GNAQ: variants seen among roughly 807,000 people sequenced by gnomAD.
The protein encoded by GNAQ is G protein subunit alpha q.
Under a neutral mutation model 43.9 loss-of-function variants are expected in GNAQ, and 8 were observed. The ratio of observed to expected loss-of-function variants is 0.18; its 90% CI spans 0.11 to 0.33. The LOEUF is 0.33. GNAQ is among the 10% of genes least tolerant of loss of function. The pLI is 1.00. For missense variants in GNAQ, 158 were observed against 450.8 expected, an observed-to-expected ratio of 0.35 and a Z score of 5.88; for synonymous variants, 155 against 170.7, an observed-to-expected ratio of 0.91 and a Z score of 0.71.
At chr9:77,998,626 T>A (rs1028833629) in intron 1 of GNAQ, among the ~76,000 whole-genome samples, 2 of 152,190 alleles carry the variant, frequency 1.3e-5, no homozygotes, top group African/African-American at 4.8e-5. Context: ...TTATTTCCCA[T>A]TGCTTCAATA....
At chr9:77,864,363 T>C (rs1827914459) in intron 2 of GNAQ, among the ~76,000 whole-genome samples, 1 of 152,014 alleles carries the variant, frequency 6.6e-6, no homozygotes, top group Middle Eastern at 3.2e-3. Context: ...ACAAACCATA[T>C]CCAAACCATA....
At chr9:77,859,066 T>G (rs1827803334) in intron 2 of GNAQ, among the ~76,000 whole-genome samples, 1 of 152,192 alleles carries the variant, frequency 6.6e-6, no homozygotes, top group South Asian at 2.1e-4. Context: ...GTCCTGCCTG[T>G]TCCTACCTAA....
At chr9:77,935,498 T>C (rs1375359738) in intron 1 of GNAQ, among the ~76,000 whole-genome samples, 5 of 152,216 alleles carry the variant, frequency 3.3e-5, no homozygotes, top group Admixed American at 6.5e-5. Flanking sequence ...CCATTGGAGA[T>C]AGGAAGTTGC....
intron 5 of GNAQ, among the ~76,000 whole-genome samples, chr9:77,765,526 A>G (rs1826121744): frequency 1.3e-5 from 2 of 152,238 alleles, no homozygotes; most frequent in East Asian, 1.9e-4. Flanking sequence ...GCCGTTCGAC[A>G]AAACTAATCA....
intron 5 of GNAQ, among the ~76,000 whole-genome samples, chr9:77,740,524 C>A (rs1277596669): frequency 6.6e-6 from 1 of 152,118 alleles, no homozygotes; most frequent in African/African-American, 2.4e-5. Context: ...GCAGGTGTAA[C>A]TTATTGGCTT....
At chr9:77,733,442 T>C (rs189037688) in intron 5 of GNAQ, among the ~76,000 whole-genome samples, 1 of 152,282 alleles carries the variant, frequency 6.6e-6, no homozygotes, top group Admixed American at 6.5e-5. Flanking sequence ...CCTACACAAA[T>C]GGTCTTTTTT....
At chr9:77,740,418 A>T (rs1450155378) in intron 5 of GNAQ, among the ~76,000 whole-genome samples, 1 of 152,186 alleles carries the variant, frequency 6.6e-6, no homozygotes, top group African/African-American at 2.4e-5. Flanking sequence ...GAAAAATCAG[A>T]CAGTAGGTAA....
intron 5 of GNAQ, among the ~76,000 whole-genome samples, chr9:77,742,470 T>C (rs997268928): frequency 6.6e-6 from 1 of 152,202 alleles, no homozygotes; most frequent in Non-Finnish European, 1.5e-5. Flanking sequence ...CTTCTTCTCT[T>C]TACTCTTTTA....
intron 5 of GNAQ, among the ~76,000 whole-genome samples, chr9:77,736,374 A>G (rs981343965): frequency 1.3e-5 from 2 of 152,218 alleles, no homozygotes; most frequent in African/African-American, 4.8e-5. Flanking sequence ...TTTGCTATCC[A>G]AATCACACAG....
chr9:77,966,980 G>A (rs1464715576), intron 1 of GNAQ, among the ~76,000 whole-genome samples: 1 of 152,134 alleles, frequency 6.6e-6, no homozygotes, highest in Non-Finnish European at 1.5e-5. Context: ...GTCAGCGGCC[G>A]CTTTGAACCC....
chr9:77,741,079 C>T (rs963549666), intron 5 of GNAQ, among the ~76,000 whole-genome samples: 1 of 152,112 alleles, frequency 6.6e-6, no homozygotes, highest in Admixed American at 6.5e-5. Context: ...TTTTTTCAAC[C>T]ATTTTAAAAT....
intron 1 of GNAQ, among the ~76,000 whole-genome samples, chr9:77,925,899 C>T (rs529262243): frequency 1.1e-3 from 167 of 152,306 alleles, no homozygotes; most frequent in Non-Finnish European, 1.9e-3. Context: ...ATAACCTATA[C>T]ACATCCCCCA....
chr9:77,797,252 C>T (rs1006910459), intron 4 of GNAQ, among the ~76,000 whole-genome samples: 13 of 152,138 alleles, frequency 8.5e-5, no homozygotes, highest in African/African-American at 3.1e-4. Context: ...TGGCTGTTCT[C>T]AAACTCCTGA....
intron 2 of GNAQ, among the ~76,000 whole-genome samples, chr9:77,886,701 A>G (rs985605740): frequency 1.3e-4 from 20 of 152,230 alleles, no homozygotes; most frequent in Non-Finnish European, 2.9e-4. Flanking sequence ...TACAATCACA[A>G]CAATAAAAGC....
intron 1 of GNAQ, among the ~76,000 whole-genome samples, chr9:78,000,449 T>C (rs1171880110): frequency 6.6e-6 from 1 of 152,192 alleles, no homozygotes; most frequent in Non-Finnish European, 1.5e-5. Flanking sequence ...AGATGAGGGA[T>C]GGTTTTTATG....
At chr9:77,998,815 G>A (rs1290689850) in intron 1 of GNAQ, among the ~76,000 whole-genome samples, 8 of 152,076 alleles carry the variant, frequency 5.3e-5, no homozygotes, top group South Asian at 2.1e-4. Flanking sequence ...GGCCGGGCAC[G>A]GTGGCTCAAA....
chr9:77,755,005 TA>T (rs772512166), intron 5 of GNAQ, among the ~76,000 whole-genome samples: 3 of 152,122 alleles, frequency 2.0e-5, no homozygotes, highest in Non-Finnish European at 4.4e-5. Context: ...GACAAATGGA[TA>T]AAGAAAATGT....
intron 2 of GNAQ, among the ~76,000 whole-genome samples, chr9:77,898,156 CCT>C (rs1165790308): frequency 1.3e-5 from 2 of 152,070 alleles, no homozygotes; most frequent in Non-Finnish European, 2.9e-5. Context: ...GGCTCTTCTC[CCT>C]CTTTCTCTAC....
chr9:77,982,411 G>A (rs2118498404), intron 1 of GNAQ, among the ~76,000 whole-genome samples: 2 of 152,172 alleles, frequency 1.3e-5, no homozygotes, highest in African/African-American at 4.8e-5. Context: ...GTCAATTATG[G>A]GAATAATGTT....
Sources: gnomAD v4.1 joint callset for allele counts (sites outside exome capture counted in the v4.1 genomes callset) on GRCh38, gnomAD v4.1.1 for gene constraint, MANE v1.5 for transcripts, NCBI Gene and HGNC (gene_info 2026-07-23, HGNC 2026-07-21) for gene names.